Variants in ACSF2 observed in about 807,000 individuals in gnomAD.
ACSF2 encodes the protein acyl-CoA synthetase family member 2.
In ACSF2, 52 loss-of-function variants were observed where a neutral mutation model predicts 79.3. The observed-to-expected ratio is 0.66, with a 90% CI of 0.53 to 0.83. ACSF2 has a LOEUF of 0.83. Among genes scored for constraint, ACSF2 ranks in the 40% least tolerant of loss-of-function variants. The pLI is 0.00. For synonymous variants in ACSF2, 283 were observed against 312.6 expected (o/e 0.91, Z 1.00); for missense variants, 661 against 803.3 (o/e 0.82, Z 2.14).
intron 1 of ACSF2, among the ~76,000 whole-genome samples, chr17:50,434,063 C>G (rs1012729926): frequency 9.2e-5 from 14 of 152,020 alleles, no homozygotes; most frequent in Non-Finnish European, 1.5e-5. Context: ...ACCTATAACT[C>G]AGCACTTTGG....
At chr17:50,470,397 G>T (rs1333323149) in intron 10 of ACSF2, among the ~76,000 whole-genome samples, 1 of 152,156 alleles carries the variant, frequency 6.6e-6, no homozygotes, top group Admixed American at 6.5e-5. Flanking sequence ...AAATGGGGGA[G>T]GTGGGGTGGG....
At position 50,462,596 on chromosome 17, in the gene ACSF2, G is replaced by A; in HGVS notation, c.792+11G>A. On this transcript the variant is annotated intron_variant, in intron 6 of 15. Coordinates refer to ENST00000300441, the MANE Select transcript of ACSF2 (RefSeq NM_025149.6). ...ATCCAGTTCACCTCGGTAGGGCAGA[G>A]GTCTCCAGGCCCCAAGCCCAGATGG... is the stretch of plus-strand genomic sequence containing the variant. 6.2e-7 allele frequency: 1 copy of A among 1,610,400 alleles called. No individual in the cohort carries two copies.
intron 1 of ACSF2, among the ~76,000 whole-genome samples, chr17:50,447,506 C>T (rs909560928): frequency 2.0e-5 from 3 of 151,916 alleles, no homozygotes; most frequent in African/African-American, 7.3e-5. Context: ...CGCGCCACTG[C>T]ACTCCAGCCT....
intron 1 of ACSF2, among the ~76,000 whole-genome samples, chr17:50,457,477 T>G (rs1183993679): frequency 1.3e-5 from 2 of 152,140 alleles, no homozygotes; most frequent in Non-Finnish European, 2.9e-5. Flanking sequence ...CAGATCTCAG[T>G]AGACCCTGAG....
chr17:50,431,612 A>G (rs2029934015), intron 1 of ACSF2, among the ~76,000 whole-genome samples: 1 of 152,176 alleles, frequency 6.6e-6, no homozygotes, highest in Non-Finnish European at 1.5e-5. Flanking sequence ...CTCCCATCTC[A>G]GCCTCCCAAG....
rs1257052867 is a variant in ACSF2 at position 50,463,823 on chromosome 17, C to G, written c.1052C>G (p.Thr351Ser). The change falls in exon 9 of 16, where the codon ACC becomes AGC. Residue 351 changes from threonine to serine, a missense_variant. Physicochemically the swap from Thr to Ser is moderately conservative, Grantham distance 58 (BLOSUM62 1). Transcript: ENST00000300441. The surrounding 1 kb of genome is among the most constrained non-coding windows in gnomAD (Gnocchi z 4.6). ...ALEAISRERG[T>S]FLYGTPTMFV... ...CGAGACCTCCTCCTATACAGAGGCA[C>G]CTTCCTGTATGGTACCCCCACGATG... The G allele has an allele frequency of 1.2e-6, 2 of 1,614,102 alleles. No individual in the cohort carries two copies. The highest frequency in any genetic ancestry group is 8.5e-7 in the Non-Finnish European group (1 of 1,179,946).
chr17:50,456,927 T>C (rs1567851753), intron 1 of ACSF2, among the ~76,000 whole-genome samples: 1 of 151,896 alleles, frequency 6.6e-6, no homozygotes, highest in Non-Finnish European at 1.5e-5. Context: ...TAGCTGGGTG[T>C]GGTGGCACAC....
chr17:50,471,167 C>A lies in ACSF2; in HGVS notation c.1323+32C>A. ...CCCTGACCAAGACTCCAAAGTCCCACCTCCCGTCACCCAGCTGGGGTGCAC... is the reference window on the plus strand; with the variant it reads ...CCCTGACCAAGACTCCAAAGTCCCAACTCCCGTCACCCAGCTGGGGTGCAC... On this transcript the variant is annotated intron_variant, in intron 11 of 15. Coordinates refer to ENST00000300441, the MANE Select transcript of ACSF2 (RefSeq NM_025149.6). This position sits in a 1 kb window ranked among gnomAD's most constrained non-coding sequence, Gnocchi z 4.1. 1 of 1,581,386 alleles carries A rather than the reference C, an allele frequency of 6.3e-7. No individual in the cohort carries two copies. The highest frequency in any genetic ancestry group is 1.1e-5 in the South Asian group (1 of 90,378).
Position 50,448,993 on chromosome 17 carries a change from C to CAT in ACSF2, c.129-11680_129-11679dup, listed in dbSNP as rs551784687. ...TTGGAATTATTTCAAAGTTGTATGA[C>CAT]ATATACAATATGTAGTCTTTTTTTT... On this transcript the variant is annotated intron_variant, in intron 1 of 15. Coordinates refer to ENST00000300441, the MANE Select transcript of ACSF2 (RefSeq NM_025149.6). 1.7e-3 allele frequency among the ~76,000 whole-genome samples: 256 copies of CAT among 146,624 alleles called. 2 individuals are homozygous for CAT. Among genetic ancestry groups the CAT allele is most frequent in the African/African-American group, 6.2e-3 (247 of 40,130 alleles).
intron 1 of ACSF2, 83 bp from the exon 2 acceptor site, chr17:50,460,594 C>A: frequency 7.7e-7 from 1 of 1,296,396 alleles, no homozygotes; most frequent in East Asian, 2.5e-5. Flanking sequence ...CAGCCTACCC[C>A]CTGGCTTGGC....
intron 1 of ACSF2, among the ~76,000 whole-genome samples, chr17:50,442,337 T>G (rs1410772539): frequency 6.6e-6 from 1 of 151,030 alleles, no homozygotes; most frequent in Admixed American, 6.6e-5. Context: ...TTTTTTTTTT[T>G]TTTTTTTGTA....
chr17:50,457,085 TA>T (rs376407390), intron 1 of ACSF2, among the ~76,000 whole-genome samples: 417 of 141,764 alleles, frequency 2.9e-3, no homozygotes, highest in African/African-American at 9.2e-3. Flanking sequence ...AGACAAACAA[TA>T]AAAAAAAAAA....
chr17:50,474,106 C>A lies in ACSF2; in HGVS notation c.1729-93C>A. ...GGGGATTGCTCTGCCCTTGACGAAG[C>A]TGACTCCTGGCCAGGCCAGCCCCTG... is the stretch of plus-strand genomic sequence containing the variant. On this transcript the variant is annotated intron_variant, in intron 14 of 15. Coordinates refer to ENST00000300441, the MANE Select transcript of ACSF2 (RefSeq NM_025149.6). The surrounding 1 kb of genome is among the most constrained non-coding windows in gnomAD (Gnocchi z 4.2). The A allele has an allele frequency of 1.1e-5, 17 of 1,590,092 alleles. No homozygotes were observed. Among genetic ancestry groups the A allele is most frequent in the Non-Finnish European group, 1.4e-5 (16 of 1,161,108 alleles).
At chr17:50,431,813 A>G (rs530992010) in intron 1 of ACSF2, among the ~76,000 whole-genome samples, 2 of 152,284 alleles carry the variant, frequency 1.3e-5, no homozygotes, top group East Asian at 3.9e-4. Context: ...CAATCTACAG[A>G]TGAAACTTTG....
rs2032446462 is a variant in ACSF2, at chr17:50,463,038, T to C, written c.793-118T>C. On this transcript the variant is annotated intron_variant, in intron 6 of 15. Coordinates refer to ENST00000300441, the MANE Select transcript of ACSF2 (RefSeq NM_025149.6). This position sits in a 1 kb window ranked among gnomAD's most constrained non-coding sequence, Gnocchi z 4.6. ...ACCTTTTGCAAATATACTGAACAGA[T>C]GGATCTGGGGCAACAATCCCTGTCT... 1.8e-5 allele frequency: 15 copies of C among 825,726 alleles called. No individual in the cohort carries two copies. The South Asian group carries it at 2.1e-4, about 12-fold the overall frequency. The allele number at this position is 825,726 out of a possible 1,614,324, so 51.1% of individuals were successfully genotyped here.
rs771815586 is a variant in ACSF2, at chr17:50,471,167, C to G, written c.1323+32C>G. On this transcript the variant is annotated intron_variant, in intron 11 of 15. Coordinates refer to ENST00000300441, the MANE Select transcript of ACSF2 (RefSeq NM_025149.6). This position sits in a 1 kb window ranked among gnomAD's most constrained non-coding sequence, Gnocchi z 4.1. ...CCCTGACCAAGACTCCAAAGTCCCA[C>G]CTCCCGTCACCCAGCTGGGGTGCAC... The G allele has an allele frequency of 1.3e-6, 2 of 1,581,386 alleles. No homozygotes were observed. Among genetic ancestry groups the G allele is most frequent in the Non-Finnish European group, 8.7e-7 (1 of 1,150,404 alleles).
intron 10 of ACSF2, chr17:50,469,181 T>C (rs1160120253): frequency 1.0e-5 from 3 of 288,602 alleles, no homozygotes; most frequent in East Asian, 1.7e-4. Context: ...GGAATAGTTA[T>C]GTCTGGAGCC....
Position 50,474,089 on chromosome 17 carries a change from C to A in ACSF2, c.1728+85C>A. On this transcript the variant is annotated intron_variant, in intron 14 of 15. Coordinates refer to ENST00000300441, the MANE Select transcript of ACSF2 (RefSeq NM_025149.6). This position sits in a 1 kb window ranked among gnomAD's most constrained non-coding sequence, Gnocchi z 4.2. ...GCCAACCAGCCCAGGGTGGGGATTG[C>A]TCTGCCCTTGACGAAGCTGACTCCT... The A allele has an allele frequency of 1.3e-6, 2 of 1,579,262 alleles. No homozygotes were observed. The highest frequency in any genetic ancestry group is 1.2e-5 in the South Asian group (1 of 86,930).
intron 1 of ACSF2, among the ~76,000 whole-genome samples, chr17:50,434,135 G>A (rs2030188896): frequency 6.6e-6 from 1 of 151,058 alleles, no homozygotes; most frequent in Non-Finnish European, 1.5e-5. Flanking sequence ...GCAACATAGG[G>A]AGACCCCATC....
Sources: allele counts gnomAD v4.1 joint callset (sites outside exome capture counted in the v4.1 genomes callset), GRCh38; gene constraint gnomAD v4.1.1; non-coding constraint Gnocchi (gnomAD v3.1); transcripts MANE v1.5; gene names NCBI Gene and HGNC (gene_info 2026-07-23, HGNC 2026-07-21).